TBC1D22A: variants seen among roughly 807,000 people sequenced by gnomAD.
TBC1D22A encodes the protein TBC1 domain family member 22A, also known as putative GTPase activator.
TBC1D22A carries 38 observed loss-of-function variants against 60.2 expected under a neutral mutation model. That is an observed-to-expected ratio of 0.63 (90% CI 0.49 to 0.83). The LOEUF (loss-of-function observed/expected upper bound fraction) is 0.83. TBC1D22A is among the 40% of genes least tolerant of loss of function. TBC1D22A has a pLI of 0.00. For missense variants in TBC1D22A, 628 were observed against 701.0 expected (o/e 0.90, Z 1.18); for synonymous variants, 302 against 281.7 (o/e 1.07, Z -0.72).
chr22:47,108,574 C>T (rs2065725838), intron 11 of TBC1D22A, among the ~76,000 whole-genome samples: 1 of 152,188 alleles, frequency 6.6e-6, no homozygotes, highest in Non-Finnish European at 1.5e-5. Flanking sequence ...TACAAATGGG[C>T]ACAAAGAAAC....
intron 10 of TBC1D22A, among the ~76,000 whole-genome samples, chr22:47,014,165 C>T (rs1334097696): frequency 6.6e-6 from 1 of 152,218 alleles, no homozygotes; most frequent in Non-Finnish European, 1.5e-5. Context: ...CAGGTGCATC[C>T]GGGCTACCCC....
rs140486674 is a variant in TBC1D22A, at chr22:46,944,694, A to G, written c.1016-29596A>G. Among the ~76,000 whole-genome samples, 247 of 152,330 alleles carry G rather than the reference A, an allele frequency of 1.6e-3. 1 individual carries two copies. In the East Asian group the frequency reaches 0.035, roughly 21 times the overall value. On this transcript the variant is annotated intron_variant, in intron 8 of 12. Transcript: ENST00000337137. ...ATTATAGGCGTGAGCCACCGTGCCC[A>G]GCCTGTACTCCATTTTTTAAAAAAT...
At chr22:46,918,684 C>A (rs576524045) in intron 8 of TBC1D22A, among the ~76,000 whole-genome samples, 1 of 152,200 alleles carries the variant, frequency 6.6e-6, no homozygotes, top group South Asian at 2.1e-4. Context: ...TGCTAGCGAC[C>A]TGCCAAATCT....
chr22:47,061,308 G>A (rs1444082755), intron 11 of TBC1D22A, among the ~76,000 whole-genome samples: 1 of 152,134 alleles, frequency 6.6e-6, no homozygotes, highest in African/African-American at 2.4e-5. Context: ...GGGCAGATAC[G>A]GGGCCTGGCT....
chr22:47,067,900 A>C lies in TBC1D22A; in HGVS notation c.1329+30702A>C, dbSNP rs1280744981. Among the ~76,000 whole-genome samples the C allele has an allele frequency of 2.0e-5, 3 of 152,204 alleles. No individual in the cohort carries two copies. In the East Asian group the frequency reaches 5.8e-4, roughly 29 times the overall value. Reference sequence around the variant, plus strand: ...TTGTCTGTCTGTCGACCACCTGTTCATGCACGATGCTTTGAGTGCCTCTGA... The same window carrying C: ...TTGTCTGTCTGTCGACCACCTGTTCCTGCACGATGCTTTGAGTGCCTCTGA... On this transcript the variant is annotated intron_variant, in intron 11 of 12. Coordinates refer to ENST00000337137, the MANE Select transcript of TBC1D22A (RefSeq NM_014346.5).
intron 5 of TBC1D22A, among the ~76,000 whole-genome samples, chr22:46,881,854 C>T (rs1829569884): frequency 6.6e-6 from 1 of 152,240 alleles, no homozygotes; most frequent in Admixed American, 6.5e-5. Context: ...TGCCATCCAG[C>T]TCCCCAGGCA....
At chr22:46,811,205 C>T (rs1000150758) in intron 4 of TBC1D22A, among the ~76,000 whole-genome samples, 14 of 152,134 alleles carry the variant, frequency 9.2e-5, no homozygotes, top group East Asian at 3.8e-4. Flanking sequence ...GGTGCCTGTC[C>T]GTGGCCTGGT....
At chr22:46,804,531 G>A (rs2085046210) in intron 4 of TBC1D22A, among the ~76,000 whole-genome samples, 1 of 152,204 alleles carries the variant, frequency 6.6e-6, no homozygotes, top group Non-Finnish European at 1.5e-5. Flanking sequence ...GCTTCAGGCA[G>A]GGCATGCGAG....
chr22:47,011,650 C>T (rs1364797875), intron 10 of TBC1D22A, among the ~76,000 whole-genome samples: 16 of 152,142 alleles, frequency 1.1e-4, no homozygotes, highest in Non-Finnish European at 1.6e-4. Flanking sequence ...GTGACACTCC[C>T]CTGCTTAAAG....
intron 4 of TBC1D22A, among the ~76,000 whole-genome samples, chr22:46,799,505 A>G (rs1034437015): frequency 6.6e-6 from 1 of 152,144 alleles, no homozygotes; most frequent in Non-Finnish European, 1.5e-5. Context: ...TACTATTTTA[A>G]CACTTGTATT....
intron 7 of TBC1D22A, among the ~76,000 whole-genome samples, chr22:46,897,919 T>C (rs9627611): frequency 0.69 from 104,588 of 151,196 alleles, 36,585 homozygotes; most frequent in Middle Eastern, 0.86. Flanking sequence ...AAAAAAACTT[T>C]AGGATTGTTA....
chr22:46,922,423 C>T (rs192759136), intron 8 of TBC1D22A, among the ~76,000 whole-genome samples: 1 of 152,138 alleles, frequency 6.6e-6, no homozygotes, highest in East Asian at 1.9e-4. Context: ...TTTTTGATTC[C>T]TTGTGAATTT....
chr22:46,944,817 T>C (rs1036736156), intron 8 of TBC1D22A, among the ~76,000 whole-genome samples: 1 of 152,260 alleles, frequency 6.6e-6, no homozygotes, highest in Non-Finnish European at 1.5e-5. Flanking sequence ...TCGTGATTAC[T>C]CTTTTGCCTT....
At chr22:47,022,096 G>A (rs573693408) in intron 10 of TBC1D22A, among the ~76,000 whole-genome samples, 77 of 152,214 alleles carry the variant, frequency 5.1e-4, no homozygotes, top group Non-Finnish European at 6.8e-4. Context: ...CACTTGATCA[G>A]GGAAATGAGC....
At chr22:47,147,640 A>G (rs59556299) in intron 12 of TBC1D22A, among the ~76,000 whole-genome samples, 7,349 of 152,302 alleles carry the variant, frequency 0.048, 498 homozygotes, top group African/African-American at 0.16. Context: ...TTGGTCGCAC[A>G]CAGAGCATTT....
chr22:46,959,639 C>G (rs777894092), intron 8 of TBC1D22A, among the ~76,000 whole-genome samples: 1 of 152,128 alleles, frequency 6.6e-6, no homozygotes, highest in Non-Finnish European at 1.5e-5. Context: ...TCCTTCGGCT[C>G]GGTTCTGGTG....
intron 8 of TBC1D22A, among the ~76,000 whole-genome samples, chr22:46,956,978 A>G (rs1364772200): frequency 5.9e-5 from 9 of 152,242 alleles, no homozygotes. Context: ...AACCCAGGGA[A>G]AGGCTGGGGT....
At position 47,173,646 on chromosome 22, in the gene TBC1D22A, T is replaced by A; in HGVS notation, c.*20T>A. 1 of 1,612,728 alleles carries A rather than the reference T, an allele frequency of 6.2e-7. No homozygotes were observed. Among genetic ancestry groups the A allele is most frequent in the Non-Finnish European group, 8.5e-7 (1 of 1,179,278 alleles). ...AAATGAGCCCAGGCCCACCCGCAGC[T>A]GGCCTCACTGTCCCGGGTGGCGCGC... is the stretch of plus-strand genomic sequence containing the variant. On this transcript the variant is annotated 3_prime_UTR_variant, in exon 13 of 13. Coordinates refer to ENST00000337137, the MANE Select transcript of TBC1D22A (RefSeq NM_014346.5).
At chr22:47,069,051 G>T (rs2063870585) in intron 11 of TBC1D22A, among the ~76,000 whole-genome samples, 1 of 152,088 alleles carries the variant, frequency 6.6e-6, no homozygotes, top group Non-Finnish European at 1.5e-5. Context: ...AATATCACTT[G>T]GGGCTGTTTT....
Sources: gnomAD v4.1 joint callset for allele counts (sites outside exome capture counted in the v4.1 genomes callset) on GRCh38, gnomAD v4.1.1 for gene constraint, MANE v1.5 for transcripts, NCBI Gene and HGNC (gene_info 2026-07-23, HGNC 2026-07-21) for gene names.